The following ATRNL1 variants were observed in gnomAD, a reference collection of about 807,000 sequenced individuals.
ATRNL1 encodes attractin-like protein 1.
Under a neutral mutation model 182.7 loss-of-function variants are expected in ATRNL1, and 95 were observed. That is an observed-to-expected ratio of 0.52 (90% CI 0.44 to 0.62). The LOEUF (loss-of-function observed/expected upper bound fraction) is 0.62, where lower values mean the gene tolerates loss of function less well. Ranked by LOEUF, ATRNL1 falls within the 20% of genes least tolerant of loss-of-function variation. The probability of loss-of-function intolerance (pLI) is 0.00; values close to 1 mark genes in which losing one functional copy is unlikely to be tolerated. For synonymous variants in ATRNL1, 576 were observed against 568.3 expected (o/e 1.01, Z -0.19); for missense variants, 1,471 against 1,679.5 (o/e 0.88, Z 2.17).
At chr10:115,492,928 T>A (rs1849377722) in intron 24 of ATRNL1, among the ~76,000 whole-genome samples, 1 of 152,012 alleles carries the variant, frequency 6.6e-6, no homozygotes, top group Non-Finnish European at 1.5e-5. Context: ...CAGGCGTGAG[T>A]CACCGCGCCT....
At chr10:115,577,189 G>C (rs2263612) in intron 26 of ATRNL1, among the ~76,000 whole-genome samples, 147,732 of 151,922 alleles carry the variant, frequency 0.97, 71,994 homozygotes, top group East Asian at 1. Context: ...TTTTCTTTCT[G>C]AAGATTGTTG....
intron 8 of ATRNL1, among the ~76,000 whole-genome samples, chr10:115,206,900 C>CAT (rs1848820022): frequency 6.6e-6 from 1 of 152,112 alleles, no homozygotes; most frequent in African/African-American, 2.4e-5. Flanking sequence ...CATGTGTTCT[C>CAT]ATTGTTTAAC....
intron 25 of ATRNL1, among the ~76,000 whole-genome samples, chr10:115,546,801 G>A (rs575799051): frequency 3.0e-4 from 46 of 151,988 alleles, no homozygotes; most frequent in African/African-American, 1.1e-3. Flanking sequence ...GCCAGATATC[G>A]CCTGGAGAAC....
At chr10:115,772,593 C>CTCTGTGTG (rs1555076680) in intron 27 of ATRNL1, among the ~76,000 whole-genome samples, 11 of 125,620 alleles carry the variant, frequency 8.8e-5, no homozygotes, top group African/African-American at 2.6e-4. Context: ...AATATATACT[C>CTCTGTGTG]TGTCTGTGTG....
At chr10:115,201,154 T>C (rs1256533887) in intron 8 of ATRNL1, among the ~76,000 whole-genome samples, 4 of 151,098 alleles carry the variant, frequency 2.6e-5, no homozygotes, top group Non-Finnish European at 4.4e-5. Flanking sequence ...GAGTAGGTTG[T>C]GAAAATTTTC....
At chr10:115,870,255 G>A (rs1476050633) in intron 28 of ATRNL1, among the ~76,000 whole-genome samples, 1 of 152,204 alleles carries the variant, frequency 6.6e-6, no homozygotes, top group African/African-American at 2.4e-5. Context: ...GTGGGACATA[G>A]CAAGGCAGTC....
intron 25 of ATRNL1, among the ~76,000 whole-genome samples, chr10:115,536,213 G>A (rs1362653084): frequency 2.0e-5 from 3 of 152,152 alleles, no homozygotes; most frequent in Admixed American, 6.5e-5. Flanking sequence ...TGCCCCCAGA[G>A]GTGGAGCCTA....
chr10:115,686,293 C>G (rs1375946053), intron 26 of ATRNL1, among the ~76,000 whole-genome samples: 1 of 151,830 alleles, frequency 6.6e-6, no homozygotes, highest in Non-Finnish European at 1.5e-5. Context: ...AGTACAATAC[C>G]GCAAATGGTT....
chr10:115,494,701 T>G (rs1052198511), intron 24 of ATRNL1, among the ~76,000 whole-genome samples: 9 of 152,222 alleles, frequency 5.9e-5, no homozygotes, highest in African/African-American at 2.2e-4. Context: ...TACTTAATTG[T>G]GGTGGATTGG....
rs532504700 is a variant in ATRNL1, at chr10:115,519,421, A to G, written c.3716+97A>G. On this transcript the variant is annotated intron_variant, in intron 25 of 28. Transcript: ENST00000355044. The stretch of plus-strand genomic sequence containing the variant: ...GATAATCGACCAATTCTAAAACCTT[A>G]AAGTATCATAGAGTATGTCTTGAAT... The G allele has an allele frequency of 3.2e-5, 32 of 986,492 alleles. No individual in the cohort carries two copies. The African/African-American group carries it at 4.4e-4, about 13-fold the overall frequency. 61.1% of individuals were successfully genotyped at this position (986,492 alleles called of 1,614,324 possible).
At chr10:115,284,396 A>C (rs1852510652) in intron 14 of ATRNL1, among the ~76,000 whole-genome samples, 1 of 152,320 alleles carries the variant, frequency 6.6e-6, no homozygotes, top group Middle Eastern at 3.4e-3. Context: ...AAACGTTTGC[A>C]TTGTAAGGAA....
At chr10:115,681,322 A>G (rs575774865) in intron 26 of ATRNL1, among the ~76,000 whole-genome samples, 1 of 152,278 alleles carries the variant, frequency 6.6e-6, no homozygotes, top group South Asian at 2.1e-4. Flanking sequence ...CACTGTAATA[A>G]TAATGCTATT....
In ATRNL1 at chr10:115,268,460, T is replaced by C; in HGVS notation, c.2100+16T>C. 6.8e-7 allele frequency: 1 copy of C among 1,481,318 alleles called. No homozygotes were observed. 91.8% of individuals were successfully genotyped at this position (1,481,318 alleles called of 1,614,324 possible). ...CTGCAGTATGGTTAGTATTTATGGG[T>C]AAATGGTGCTGTAGTTACAACAGAC... On this transcript the variant is annotated intron_variant, in intron 13 of 28. Transcript: ENST00000355044.
At chr10:115,362,487 C>G (rs1469921978) in intron 19 of ATRNL1, among the ~76,000 whole-genome samples, 1 of 150,118 alleles carries the variant, frequency 6.7e-6, no homozygotes, top group Non-Finnish European at 1.5e-5. Context: ...CATTTAAAAT[C>G]TGCTCAGCGG....
At chr10:115,138,390 A>G (rs1369976858) in intron 5 of ATRNL1, among the ~76,000 whole-genome samples, 1 of 152,188 alleles carries the variant, frequency 6.6e-6, no homozygotes, top group Non-Finnish European at 1.5e-5. Context: ...GCCCTAGCAG[A>G]GGTTCTCCAT....
intron 20 of ATRNL1, among the ~76,000 whole-genome samples, chr10:115,396,374 G>T (rs2134286097): frequency 6.6e-6 from 1 of 152,000 alleles, no homozygotes; most frequent in Non-Finnish European, 1.5e-5. Flanking sequence ...CAACTTCATG[G>T]GCACGTGGCC....
At chr10:115,491,489 G>T (rs1849298492) in intron 24 of ATRNL1, among the ~76,000 whole-genome samples, 1 of 151,864 alleles carries the variant, frequency 6.6e-6, no homozygotes, top group African/African-American at 2.4e-5. Flanking sequence ...CAGTAGCCTT[G>T]CTGAGCTGCA....
intron 26 of ATRNL1, among the ~76,000 whole-genome samples, chr10:115,718,559 A>G (rs1262396617): frequency 6.6e-6 from 1 of 152,192 alleles, no homozygotes; most frequent in African/African-American, 2.4e-5. Context: ...GTATCAAGCC[A>G]TAGCACAGTT....
intron 28 of ATRNL1, among the ~76,000 whole-genome samples, chr10:115,888,822 C>T (rs532345908): frequency 2.0e-5 from 3 of 152,276 alleles, no homozygotes; most frequent in African/African-American, 7.2e-5. Flanking sequence ...ATGTGGCTCA[C>T]AAGGCAGCCA....
Sources: gnomAD v4.1 joint callset for allele counts (sites outside exome capture counted in the v4.1 genomes callset) on GRCh38, gnomAD v4.1.1 for gene constraint, MANE v1.5 for transcripts, NCBI Gene and HGNC (gene_info 2026-07-23, HGNC 2026-07-21) for gene names.